PCNX1: variants seen among roughly 807,000 people sequenced by gnomAD.
PCNX1 encodes the protein pecanex 1.
A neutral mutation model predicts 242.2 loss-of-function variants in PCNX1; 78 were observed. The observed-to-expected ratio is 0.32, with a 90% CI of 0.27 to 0.39. The LOEUF is 0.39. PCNX1 is among the 10% of genes least tolerant of loss of function. The pLI, the probability that PCNX1 is intolerant of heterozygous loss-of-function variation, is 1.00. For synonymous variants in PCNX1, 1,024 were observed against 1,032.9 expected (o/e 0.99, Z 0.17); for missense variants, 2,581 against 2,856.5 (o/e 0.90, Z 2.20).
At chr14:70,908,588 G>C (rs1331196030) in intron 1 of PCNX1, among the ~76,000 whole-genome samples, 1 of 152,236 alleles carries the variant, frequency 6.6e-6, no homozygotes, top group African/African-American at 2.4e-5. Flanking sequence ...GGTCCTGGGT[G>C]GTGGCTGAAA....
At chr14:71,062,518 AAG>A (rs2061352157) in intron 26 of PCNX1, among the ~76,000 whole-genome samples, 1 of 151,974 alleles carries the variant, frequency 6.6e-6, no homozygotes, top group African/African-American at 2.4e-5. Flanking sequence ...AATTTTAAAA[AAG>A]CTTACAGAAT....
intron 5 of PCNX1, among the ~76,000 whole-genome samples, chr14:70,974,584 A>G (rs1181548515): frequency 1.3e-5 from 2 of 152,216 alleles, no homozygotes; most frequent in Admixed American, 1.3e-4. Context: ...AACTTTTATA[A>G]TAAGGTGACA....
At chr14:71,071,083 A>G (rs929570643) in intron 26 of PCNX1, among the ~76,000 whole-genome samples, 1 of 152,080 alleles carries the variant, frequency 6.6e-6, no homozygotes, top group African/African-American at 2.4e-5. Context: ...TCATGACCCA[A>G]TCTCTACTAG....
At chr14:70,909,935 C>T (rs1594861075) in intron 1 of PCNX1, among the ~76,000 whole-genome samples, 1 of 151,824 alleles carries the variant, frequency 6.6e-6, no homozygotes, top group African/African-American at 2.4e-5. Flanking sequence ...TCAGTACATG[C>T]GGTTAGCATG....
chr14:70,944,240 C>T (rs1343753558), intron 1 of PCNX1, among the ~76,000 whole-genome samples: 3 of 152,170 alleles, frequency 2.0e-5, no homozygotes, highest in Admixed American at 6.5e-5. Context: ...GCCCATGTGC[C>T]AGCCAGGAGG....
intron 19 of PCNX1, among the ~76,000 whole-genome samples, chr14:71,039,175 A>G (rs1338839425): frequency 6.6e-6 from 1 of 152,058 alleles, no homozygotes; most frequent in Non-Finnish European, 1.5e-5. Context: ...ATACGTATGT[A>G]ACTAACCTGC....
At chr14:71,068,463 CAT>C (rs1331721094) in intron 26 of PCNX1, among the ~76,000 whole-genome samples, 20 of 147,156 alleles carry the variant, frequency 1.4e-4, no homozygotes, top group Non-Finnish European at 3.0e-4. Flanking sequence ...TGTGTATATA[CAT>C]ATATATGTGC....
In PCNX1 at chr14:70,907,868, G is replaced by T; in HGVS notation, c.18G>T (p.Leu6=). Residue 6 remains leucine (L), a synonymous_variant, in exon 1 of 36, where the codon CTG becomes CTT. Transcript: ENST00000304743. MGSQT[L]QILRQGVWAA... is the part of the protein sequence containing the mutation. ...GGGTGGGGATGGGGTCGCAGACGCT[G>T]CAGATCCTCCGACAGGGGGTGTGGG... The T allele has an allele frequency of 6.6e-7, 1 of 1,515,306 alleles. No homozygotes were observed. The highest frequency in any genetic ancestry group is 1.3e-5 in the South Asian group (1 of 79,860). The allele number at this position is 1,515,306 out of a possible 1,614,324, so 93.9% of individuals were successfully genotyped here. A position where few individuals can be genotyped will look rare whatever the true frequency, so the allele number is the denominator to read the frequency against.
intron 16 of PCNX1, 25 bp from the exon 17 acceptor site, chr14:71,033,404 T>C: frequency 9.0e-7 from 1 of 1,116,026 alleles, no homozygotes; most frequent in Non-Finnish European, 1.4e-6. Context: ...AAGCATATTA[T>C]TCTGTTAAAT....
chr14:71,009,989 CTT>C (rs2059778930), intron 9 of PCNX1: 1 of 275,810 alleles, frequency 3.6e-6, no homozygotes, highest in African/African-American at 2.2e-5. Flanking sequence ...AATCTACTCT[CTT>C]AGTGATTTTC....
rs1309509659 is a variant in PCNX1, at chr14:71,015,127, A to G, written c.2996+1925A>G. ...AATACCTTTTAAAAACCAAAGTGAAATAAAGACATCTTCAGATCAGAAAAA... is the reference window on the plus strand; with the variant it reads ...AATACCTTTTAAAAACCAAAGTGAAGTAAAGACATCTTCAGATCAGAAAAA... On this transcript the variant is annotated intron_variant, in intron 11 of 35. Coordinates refer to ENST00000304743, the MANE Select transcript of PCNX1 (RefSeq NM_014982.3). Among the ~76,000 whole-genome samples, 3 of 152,212 alleles carry G rather than the reference A, an allele frequency of 2.0e-5. No individual in the cohort carries two copies. In the East Asian group the frequency reaches 5.8e-4, roughly 29 times the overall value.
chr14:71,077,633 TAAAAG>T lies in PCNX1; in HGVS notation c.5337+1217_5337+1221del, dbSNP rs377185126. Among the ~76,000 whole-genome samples the T allele has an allele frequency of 3.5e-3, 539 of 152,184 alleles. 1 individual carries two copies. The highest frequency in any genetic ancestry group is 0.013 in the African/African-American group (523 of 41,518). ...ATATACTGAGCAGAGTAGTATATCTTAAAAGAAGGGATAGTGAGTTGGATAAAATA... is the reference window on the plus strand; with the variant it reads ...ATATACTGAGCAGAGTAGTATATCTTAAGGGATAGTGAGTTGGATAAAATA... On this transcript the variant is annotated intron_variant, in intron 28 of 35. Transcript: ENST00000304743.
At chr14:71,049,164 G>A (rs2060950013) in intron 22 of PCNX1, 1 of 783,688 alleles carries the variant, frequency 1.3e-6, no homozygotes, top group African/African-American at 1.9e-5. Context: ...TCTTTGAAAT[G>A]TAGTTGCTAC....
chr14:70,991,840 A>G (rs1291860525), intron 7 of PCNX1, among the ~76,000 whole-genome samples: 1 of 152,186 alleles, frequency 6.6e-6, no homozygotes, highest in Non-Finnish European at 1.5e-5. Context: ...TCTAAAAGAA[A>G]TGGTAGATGT....
intron 1 of PCNX1, among the ~76,000 whole-genome samples, chr14:70,938,931 T>C (rs1012935311): frequency 2.0e-5 from 3 of 152,216 alleles, no homozygotes; most frequent in African/African-American, 4.8e-5. Flanking sequence ...GTGTTTATGG[T>C]ATTCTCTGAT....
intron 11 of PCNX1, 30 bp downstream of exon 11, chr14:71,013,232 G>T (rs562327278): frequency 6.9e-7 from 1 of 1,457,774 alleles, no homozygotes; most frequent in Admixed American, 1.7e-5. Flanking sequence ...TTAATGATAC[G>T]TGTGGATTTT....
rs2060252768 is a variant in PCNX1 at position 71,026,717 on chromosome 14, CA to C, written c.3356-54del. ...TTAAAAATTATGACCTCTCAGTGGACACAAGAATGGATACAGTATAATATTT... is the reference window on the plus strand; with the variant it reads ...TTAAAAATTATGACCTCTCAGTGGACCAAGAATGGATACAGTATAATATTT... On this transcript the variant is annotated intron_variant, in intron 14 of 35. Transcript: ENST00000304743. 7 of 750,564 alleles carry C rather than the reference CA, an allele frequency of 9.3e-6. No homozygotes were observed. The South Asian group carries it at 1.5e-4, about 16-fold the overall frequency. The allele number at this position is 750,564 out of a possible 1,614,324, so 46.5% of individuals were successfully genotyped here.
rs181856180 is a variant in PCNX1 at position 71,007,192 on chromosome 14, C to T, written c.2630-2442C>T. Among the ~76,000 whole-genome samples, 341 of 144,936 alleles carry T rather than the reference C, an allele frequency of 2.4e-3. 2 individuals are homozygous for T. The highest frequency in any genetic ancestry group is 8.3e-3 in the African/African-American group (327 of 39,564). Reference sequence around the variant, plus strand: ...TTTTCCAACTGTCTGTTTAGAAAAGCTTTTTTTTTTGCATTCTTTATGTTT... The same window carrying T: ...TTTTCCAACTGTCTGTTTAGAAAAGTTTTTTTTTTTGCATTCTTTATGTTT... On this transcript the variant is annotated intron_variant, in intron 8 of 35. Coordinates refer to ENST00000304743, the MANE Select transcript of PCNX1 (RefSeq NM_014982.3).
chr14:71,103,586 C>G lies in PCNX1; in HGVS notation c.6012C>G (p.Asp2004Glu). ...FVSPLTTSYS[D>E]SHEQLKDILG... ...CACCCCTGACAACTTCTTACTCTGA[C>G]AGCCACGAACAGCTTAAAGACATTC... Residue 2004 changes from aspartate (D) to glutamate (E), a missense_variant, in exon 32 of 36, where the codon GAC becomes GAG. Transcript: ENST00000304743. The G allele has an allele frequency of 6.2e-7, 1 of 1,614,134 alleles. No individual in the cohort carries two copies. Among genetic ancestry groups the G allele is most frequent in the Non-Finnish European group, 8.5e-7 (1 of 1,179,958 alleles).
Sources: allele counts gnomAD v4.1 joint callset (sites outside exome capture counted in the v4.1 genomes callset), GRCh38; gene constraint gnomAD v4.1.1; transcripts MANE v1.5; gene names NCBI Gene and HGNC (gene_info 2026-07-23, HGNC 2026-07-21).